LCORL: variants seen among roughly 807,000 people sequenced by gnomAD.
LCORL encodes ligand dependent nuclear receptor corepressor like, also known as ligand-dependent nuclear receptor corepressor-like protein.
Under a neutral mutation model 141.8 loss-of-function variants are expected in LCORL, and 41 were observed. That is an observed-to-expected ratio of 0.29 (90% CI 0.23 to 0.38). The LOEUF is 0.38. Ranked by LOEUF, LCORL falls within the 10% of genes least tolerant of loss-of-function variation. The pLI is 1.00. For missense variants in LCORL, 1,759 were observed against 2,035.0 expected, an observed-to-expected ratio of 0.86 and a Z score of 2.61; for synonymous variants, 618 against 694.1, an observed-to-expected ratio of 0.89 and a Z score of 1.72.
chr4:17,997,449 T>A (rs540190849), intron 1 of LCORL, among the ~76,000 whole-genome samples: 16 of 152,288 alleles, frequency 1.1e-4, no homozygotes, highest in African/African-American at 3.8e-4. Context: ...TAAAAGTAAT[T>A]GAATTTTATG....
intron 4 of LCORL, among the ~76,000 whole-genome samples, chr4:17,922,428 C>CAT (rs1201402017): frequency 6.6e-6 from 1 of 152,138 alleles, no homozygotes; most frequent in African/African-American, 2.4e-5. Flanking sequence ...TGACTCTATA[C>CAT]ATAATACATT....
intron 5 of LCORL, among the ~76,000 whole-genome samples, chr4:17,906,688 C>CTTTT (rs36083281): frequency 7.5e-5 from 10 of 134,018 alleles, no homozygotes; most frequent in African/African-American, 2.8e-4. Context: ...TTTAAAATGC[C>CTTTT]TTTTTTTTTT....
chr4:17,907,729 T>C (rs1342194959), intron 5 of LCORL, among the ~76,000 whole-genome samples: 1 of 152,130 alleles, frequency 6.6e-6, no homozygotes, highest in Non-Finnish European at 1.5e-5. Context: ...TTTTTAAAGC[T>C]CATCAGCTAT....
At chr4:17,948,575 T>A (rs1284217849) in intron 4 of LCORL, among the ~76,000 whole-genome samples, 1 of 152,016 alleles carries the variant, frequency 6.6e-6, no homozygotes. Context: ...GCCAGGAATA[T>A]GAACTTGAAA....
chr4:17,880,290 C>T (rs1054689619), intron 6 of LCORL: 1 of 297,620 alleles, frequency 3.4e-6, no homozygotes, highest in South Asian at 1.3e-4. Flanking sequence ...ATGTTAGGAT[C>T]TTAAAGAAAA....
chr4:17,881,108 T>C (rs1727510241), intron 6 of LCORL: 1 of 982,950 alleles, frequency 1.0e-6, no homozygotes, highest in Non-Finnish European at 1.2e-6. Flanking sequence ...TAAACAACTT[T>C]ACTGAGCAGT....
intron 5 of LCORL, among the ~76,000 whole-genome samples, chr4:17,902,998 G>C (rs1731105057): frequency 6.6e-6 from 1 of 152,012 alleles, no homozygotes; most frequent in African/African-American, 2.4e-5. Context: ...ATTTTAAAAA[G>C]TATTAAAAAG....
rs754093173 is a variant in LCORL at position 17,845,689 on chromosome 4, C to G, written c.*199G>C. 4.6e-6 allele frequency: 7 copies of G among 1,532,658 alleles called. No individual in the cohort carries two copies. The South Asian group carries it at 7.3e-5, about 16-fold the overall frequency. The allele number at this position is 1,532,658 out of a possible 1,614,324, so 94.9% of individuals were successfully genotyped here. A position where few individuals can be genotyped will look rare whatever the true frequency, so the allele number is the denominator to read the frequency against. Reference sequence around the variant, plus strand: ...ATTGTTCAGAAGGAATACTGACATACAAAATAAAGATAGTGCAAGAAGAAC... The same window carrying G: ...ATTGTTCAGAAGGAATACTGACATAGAAAATAAAGATAGTGCAAGAAGAAC... On this transcript the variant is annotated 3_prime_UTR_variant, in exon 8 of 8. Coordinates refer to ENST00000635767, the Ensembl canonical transcript of LCORL.
At chr4:17,878,696 G>C (rs557187853) in intron 6 of LCORL, among the ~76,000 whole-genome samples, 1 of 151,322 alleles carries the variant, frequency 6.6e-6, no homozygotes, top group East Asian at 1.9e-4. Flanking sequence ...ATAATCACAA[G>C]GAAAATTAAG....
intron 1 of LCORL, among the ~76,000 whole-genome samples, chr4:17,997,319 T>C (rs773833030): frequency 6.6e-6 from 1 of 152,120 alleles, no homozygotes; most frequent in Non-Finnish European, 1.5e-5. Flanking sequence ...CATTTATGAT[T>C]TGAGAATTTG....
At chr4:17,874,712 C>G in exon 7 of LCORL, 1 of 1,233,834 alleles carries the variant, frequency 8.1e-7, no homozygotes, top group Non-Finnish European at 1.0e-6. Flanking sequence ...CAGAAGTAGC[C>G]CACCACCTGA....
intron 7 of LCORL, among the ~76,000 whole-genome samples, chr4:17,868,518 T>G (rs1303403143): frequency 6.6e-6 from 1 of 152,138 alleles, no homozygotes; most frequent in Non-Finnish European, 1.5e-5. Context: ...GGAAAAGATA[T>G]ACACCTGCTT....
intron 5 of LCORL, among the ~76,000 whole-genome samples, chr4:17,905,351 TAAGAA>T (rs1057248006): frequency 6.6e-6 from 1 of 152,092 alleles, no homozygotes; most frequent in Non-Finnish European, 1.5e-5. Context: ...TTTAGAAAAT[TAAGAA>T]AAGTTTTCAA....
intron 2 of LCORL, among the ~76,000 whole-genome samples, chr4:17,969,964 T>C (rs1715620534): frequency 6.6e-6 from 1 of 152,186 alleles, no homozygotes; most frequent in Non-Finnish European, 1.5e-5. Flanking sequence ...TGGTAATATA[T>C]TGCTGGGATA....
intron 5 of LCORL, among the ~76,000 whole-genome samples, chr4:17,903,764 T>C (rs1392567647): frequency 1.3e-5 from 2 of 151,990 alleles, no homozygotes; most frequent in African/African-American, 4.8e-5. Flanking sequence ...AGTGTAGAGT[T>C]TGTGAAAGAG....
intron 1 of LCORL, among the ~76,000 whole-genome samples, chr4:17,988,578 T>A (rs1017834961): frequency 2.6e-5 from 4 of 152,342 alleles, no homozygotes; most frequent in African/African-American, 9.6e-5. Flanking sequence ...TTTATGATTT[T>A]AAAAATATTC....
At chr4:17,877,026 G>T in exon 7 of LCORL, 1 of 1,230,592 alleles carries the variant, frequency 8.1e-7, no homozygotes, top group African/African-American at 1.6e-5. Flanking sequence ...ATTGTTTTGT[G>T]TCAATTTCCT....
chr4:17,968,266 G>A lies in LCORL; in HGVS notation c.220+4554C>T, dbSNP rs899995333. Among the ~76,000 whole-genome samples, 9 of 152,108 alleles carry A rather than the reference G, an allele frequency of 5.9e-5. 1 individual carries two copies. Among genetic ancestry groups the A allele is most frequent in the African/African-American group, 1.9e-4 (8 of 41,398 alleles). On this transcript the variant is annotated intron_variant, in intron 2 of 7. Transcript: ENST00000635767. ...TTTGCACCAACTTAAACATACATAT[G>A]TGATAAGAGCTAATATAATTTGTAA...
intron 7 of LCORL, among the ~76,000 whole-genome samples, chr4:17,850,877 C>T (rs969114719): frequency 7.3e-5 from 11 of 151,586 alleles, no homozygotes; most frequent in African/African-American, 1.5e-4. Flanking sequence ...TGGAACCAAC[C>T]CAAATGTCCA....
Sources: allele counts gnomAD v4.1 joint callset (sites outside exome capture counted in the v4.1 genomes callset), GRCh38; gene constraint gnomAD v4.1.1; transcripts MANE v1.5; gene names NCBI Gene and HGNC (gene_info 2026-07-23, HGNC 2026-07-21).